The following MCTP1 variants were observed in gnomAD, a reference collection of about 807,000 sequenced individuals.
MCTP1 encodes multiple C2 and transmembrane domain containing 1.
A neutral mutation model predicts 120.6 loss-of-function variants in MCTP1; 69 were observed. The observed-to-expected ratio is 0.57, with a 90% CI of 0.47 to 0.70. The LOEUF (loss-of-function observed/expected upper bound fraction) is 0.70, where lower values mean the gene tolerates loss of function less well. Among genes scored for constraint, MCTP1 ranks in the 30% least tolerant of loss-of-function variants. The probability of loss-of-function intolerance (pLI) is 0.00; values close to 1 mark genes in which losing one functional copy is unlikely to be tolerated. For synonymous variants in MCTP1, 529 were observed against 493.1 expected, an observed-to-expected ratio of 1.07 and a Z score of -0.96; for missense variants, 1,203 against 1,248.8, an observed-to-expected ratio of 0.96 and a Z score of 0.55.
intron 19 of MCTP1, among the ~76,000 whole-genome samples, chr5:94,763,240 C>T (rs1580541469): frequency 6.6e-6 from 1 of 152,206 alleles, no homozygotes; most frequent in African/African-American, 2.4e-5. Flanking sequence ...TTAAAGCACA[C>T]ATTTCATCAT....
chr5:95,094,980 AT>A (rs1209693405), intron 1 of MCTP1, among the ~76,000 whole-genome samples: 1 of 51,326 alleles, frequency 1.9e-5, no homozygotes, highest in Non-Finnish European at 4.4e-5. Flanking sequence ...AAGGCAAGCT[AT>A]TTTTTCTTTT....
chr5:94,712,815 T>G (rs1045792203), intron 20 of MCTP1, among the ~76,000 whole-genome samples: 4 of 151,798 alleles, frequency 2.6e-5, no homozygotes, highest in Non-Finnish European at 4.4e-5. Context: ...TGCTTTCCTG[T>G]GGCTCAGCTC....
intron 17 of MCTP1, among the ~76,000 whole-genome samples, chr5:94,860,167 C>T (rs1347474532): frequency 1.3e-5 from 2 of 151,602 alleles, no homozygotes; most frequent in Non-Finnish European, 3.0e-5. Flanking sequence ...TTAAATCACT[C>T]TCCTATTATA....
chr5:94,710,789 T>G (rs540734930), intron 21 of MCTP1, 29 bp downstream of exon 21: 1 of 1,445,208 alleles, frequency 6.9e-7, no homozygotes, highest in South Asian at 1.1e-5. Context: ...GCTAAGACAG[T>G]TTGGGGGAGT....
At chr5:94,922,688 A>T (rs1384561210) in intron 7 of MCTP1, among the ~76,000 whole-genome samples, 1 of 152,050 alleles carries the variant, frequency 6.6e-6, no homozygotes, top group East Asian at 1.9e-4. Flanking sequence ...GGGCTTTGCC[A>T]TGTTAGTCAG....
intron 1 of MCTP1, among the ~76,000 whole-genome samples, chr5:95,126,276 T>TC (rs1195040338): frequency 6.6e-6 from 1 of 152,182 alleles, no homozygotes; most frequent in Non-Finnish European, 1.5e-5. Flanking sequence ...TCTGTGTTCC[T>TC]CCCACTTATT....
At chr5:94,928,496 A>G (rs1242842814) in intron 6 of MCTP1, among the ~76,000 whole-genome samples, 1 of 152,208 alleles carries the variant, frequency 6.6e-6, no homozygotes, top group Non-Finnish European at 1.5e-5. Context: ...ATTTTGTCAC[A>G]TAAGTGTAAC....
chr5:95,023,064 T>C (rs1044774874), intron 1 of MCTP1, among the ~76,000 whole-genome samples: 3 of 151,892 alleles, frequency 2.0e-5, no homozygotes, highest in Non-Finnish European at 4.4e-5. Context: ...CATCACTAGA[T>C]TGTATGAGAA....
intron 17 of MCTP1, among the ~76,000 whole-genome samples, chr5:94,820,395 C>G (rs17333729): frequency 6.6e-6 from 1 of 152,182 alleles, no homozygotes; most frequent in African/African-American, 2.4e-5. Context: ...AATGGTTGCT[C>G]TAATGGGACC....
intron 2 of MCTP1, among the ~76,000 whole-genome samples, chr5:94,964,659 G>A (rs892332959): frequency 2.0e-5 from 3 of 151,952 alleles, no homozygotes; most frequent in Non-Finnish European, 4.4e-5. Flanking sequence ...GTACAGATAC[G>A]CTTGCTCTCT....
At chr5:94,907,461 T>C (rs1807217060) in intron 10 of MCTP1, among the ~76,000 whole-genome samples, 1 of 152,186 alleles carries the variant, frequency 6.6e-6, no homozygotes, top group Admixed American at 6.5e-5. Context: ...TCATAGGCAA[T>C]TAAGTTTGGT....
intron 12 of MCTP1, among the ~76,000 whole-genome samples, chr5:94,882,238 T>C (rs1027534317): frequency 6.6e-6 from 1 of 152,142 alleles, no homozygotes; most frequent in Non-Finnish European, 1.5e-5. Flanking sequence ...AAGGAAGCAG[T>C]CAATTACCTC....
intron 1 of MCTP1, among the ~76,000 whole-genome samples, chr5:95,095,550 G>A (rs1341640300): frequency 6.6e-6 from 1 of 152,160 alleles, no homozygotes; most frequent in African/African-American, 2.4e-5. Context: ...GAACTCAGGG[G>A]ATTACAAAAA....
At chr5:94,938,221 T>A (rs2153496110) in intron 5 of MCTP1, among the ~76,000 whole-genome samples, 1 of 152,172 alleles carries the variant, frequency 6.6e-6, no homozygotes, top group East Asian at 1.9e-4. Context: ...GATTTACAGA[T>A]CTTTCAATGG....
intron 2 of MCTP1, among the ~76,000 whole-genome samples, chr5:94,974,994 T>A (rs1827784715): frequency 1.3e-5 from 2 of 152,310 alleles, no homozygotes; most frequent in South Asian, 4.1e-4. Context: ...ATGCTTCTAG[T>A]CTTCCTTATT....
chr5:94,933,576 G>C (rs1212622343), intron 5 of MCTP1, among the ~76,000 whole-genome samples: 1 of 151,770 alleles, frequency 6.6e-6, no homozygotes, highest in African/African-American at 2.4e-5. Flanking sequence ...GATATTTTGA[G>C]TCAAATCAAT....
intron 2 of MCTP1, among the ~76,000 whole-genome samples, chr5:94,995,488 G>A (rs1832445529): frequency 1.3e-5 from 2 of 152,168 alleles, no homozygotes; most frequent in Admixed American, 1.3e-4. Context: ...GAATCTGATT[G>A]CTAATTTCAC....
At chr5:95,201,746 C>T (rs371986252) in intron 1 of MCTP1, among the ~76,000 whole-genome samples, 1 of 151,928 alleles carries the variant, frequency 6.6e-6, no homozygotes, top group South Asian at 2.1e-4. Context: ...CTCAAGGGAT[C>T]CATCCGCCTC....
chr5:94,746,622 T>C (rs565137415), intron 19 of MCTP1, among the ~76,000 whole-genome samples: 6 of 152,358 alleles, frequency 3.9e-5, no homozygotes, highest in Admixed American at 1.3e-4. Context: ...TATAATGTAA[T>C]AGTGCAGACA....
Sources: allele counts gnomAD v4.1 joint callset (sites outside exome capture counted in the v4.1 genomes callset), GRCh38; gene constraint gnomAD v4.1.1; transcripts MANE v1.5; gene names NCBI Gene and HGNC (gene_info 2026-07-23, HGNC 2026-07-21).